Variants in DNAH9 observed in about 807,000 individuals in gnomAD.
DNAH9 encodes the protein dynein axonemal heavy chain 9, also known as DNAH9 variant protein.
Under a neutral mutation model 471.6 loss-of-function variants are expected in DNAH9, and 345 were observed. That is an observed-to-expected ratio of 0.73 (90% CI 0.67 to 0.80). The LOEUF (loss-of-function observed/expected upper bound fraction) is 0.80. DNAH9 is among the 30% of genes least tolerant of loss of function. DNAH9 has a pLI of 0.00. For synonymous variants in DNAH9, 2,093 were observed against 2,123.6 expected (o/e 0.99, Z 0.40); for missense variants, 5,407 against 5,609.2 (o/e 0.96, Z 1.15).
intron 1 of DNAH9, among the ~76,000 whole-genome samples, chr17:11,600,491 T>C (rs1360807863): frequency 1.3e-5 from 2 of 152,118 alleles, no homozygotes; most frequent in Non-Finnish European, 2.9e-5. Flanking sequence ...AAAAATAATT[T>C]TAAAATAATG....
intron 45 of DNAH9, 30 bp downstream of exon 45, chr17:11,810,399 G>A: frequency 6.2e-7 from 1 of 1,601,564 alleles, no homozygotes; most frequent in Non-Finnish European, 8.5e-7. Flanking sequence ...TGGTGTCACT[G>A]ATAAATTCCC....
chr17:11,644,735 T>G (rs1393067552), intron 11 of DNAH9, 36 bp downstream of exon 11: 4 of 1,454,162 alleles, frequency 2.8e-6, no homozygotes, highest in African/African-American at 1.4e-5. Context: ...GTCTGCAGAT[T>G]GCACAGCCTC....
At chr17:11,915,482 C>A (rs1166731307) in intron 61 of DNAH9, among the ~76,000 whole-genome samples, 1 of 152,114 alleles carries the variant, frequency 6.6e-6, no homozygotes, top group African/African-American at 2.4e-5. Flanking sequence ...CAAGATCGCA[C>A]CACTGCACTT....
In DNAH9 at chr17:11,826,973, C is replaced by T. The variant is rs139400471; in HGVS notation, c.9246+3939C>T. On this transcript the variant is annotated intron_variant, in intron 48 of 68. Transcript: ENST00000262442. Reference sequence around the variant, plus strand: ...CTGAGTAGCTGGGACTACAGGCACCCGCCACCATGCCCAGCTAATTTTTGT... The same window carrying T: ...CTGAGTAGCTGGGACTACAGGCACCTGCCACCATGCCCAGCTAATTTTTGT... Among the ~76,000 whole-genome samples the T allele has an allele frequency of 7.7e-3, 1,156 of 150,684 alleles. 15 individuals carry two copies. The highest frequency in any genetic ancestry group is 0.068 in the East Asian group (345 of 5,042).
At chr17:11,808,324 C>G (rs1969765866) in intron 44 of DNAH9, among the ~76,000 whole-genome samples, 1 of 152,166 alleles carries the variant, frequency 6.6e-6, no homozygotes, top group South Asian at 2.1e-4. Context: ...TTCAGACAGC[C>G]AGCACTTGGA....
Position 11,718,692 on chromosome 17 carries a change from G to A in DNAH9, c.5553-642G>A, listed in dbSNP as rs1294615867. On this transcript the variant is annotated intron_variant, in intron 26 of 68. Coordinates refer to ENST00000262442, the MANE Select transcript of DNAH9 (RefSeq NM_001372.4). ...GAGGGCCTGTATGTGCCTAGAGTGTGCTAAGTTCTGGAGATTAAACAATGA... is the reference window on the plus strand; with the variant it reads ...GAGGGCCTGTATGTGCCTAGAGTGTACTAAGTTCTGGAGATTAAACAATGA... Among the ~76,000 whole-genome samples, 3 of 152,164 alleles carry A rather than the reference G, an allele frequency of 2.0e-5. No homozygotes were observed. The East Asian group carries it at 5.8e-4, about 29-fold the overall frequency.
Position 11,652,935 on chromosome 17 carries a change from A to G in DNAH9, c.2528A>G (p.His843Arg). 2 of 1,614,058 alleles carry G rather than the reference A, an allele frequency of 1.2e-6. No individual in the cohort carries two copies. Among genetic ancestry groups the G allele is most frequent in the Non-Finnish European group, 1.7e-6 (2 of 1,179,882 alleles). Residue 843 changes from histidine (H) to arginine (R), a missense_variant, in exon 14 of 69, where the codon CAT (histidine) becomes CGT (arginine). His to Arg is a conservative substitution (Grantham distance 29, BLOSUM62 0). Coordinates refer to ENST00000262442, the MANE Select transcript of DNAH9 (RefSeq NM_001372.4). ...RESLLSLDDR[H>R]DRMEKYYNLI... ...TCCCTTCTTTCTCTGGATGATCGGC[A>G]TGATCGAATGGAAAAATATTACAAT...
chr17:11,673,587 ATG>A (rs1407668959), intron 17 of DNAH9, among the ~76,000 whole-genome samples: 1 of 142,584 alleles, frequency 7.0e-6, no homozygotes, highest in Non-Finnish European at 1.5e-5. Flanking sequence ...TTCTCAAAAG[ATG>A]TGTTTATATT....
At chr17:11,767,831 A>T (rs1968026301) in intron 36 of DNAH9, among the ~76,000 whole-genome samples, 1 of 152,156 alleles carries the variant, frequency 6.6e-6, no homozygotes, top group African/African-American at 2.4e-5. Flanking sequence ...TTCTGTCAGA[A>T]AAACCAGTAC....
chr17:11,671,133 A>G (rs1405843855), intron 17 of DNAH9, among the ~76,000 whole-genome samples: 1 of 152,208 alleles, frequency 6.6e-6, no homozygotes, highest in African/African-American at 2.4e-5. Flanking sequence ...CCCAGGATGG[A>G]GCACTGTTGG....
intron 14 of DNAH9, among the ~76,000 whole-genome samples, chr17:11,663,462 C>T (rs150999065): frequency 1.4e-3 from 206 of 152,298 alleles, no homozygotes; most frequent in African/African-American, 4.6e-3. Flanking sequence ...TTGAGTATGT[C>T]CCTTGTTTCA....
intron 48 of DNAH9, among the ~76,000 whole-genome samples, chr17:11,828,052 C>T (rs1013834992): frequency 2.6e-5 from 4 of 152,178 alleles, no homozygotes; most frequent in East Asian, 1.9e-4. Flanking sequence ...CCTTTCAAAG[C>T]GCTACTGCTG....
In DNAH9 at chr17:11,823,052, C is replaced by T; in HGVS notation, c.9246+18C>T. ...CTGCCCAGGTGAGCAATGTCCCGCT[C>T]CTTCCACCTGCAGGGGACTTGGAGG... On this transcript the variant is annotated intron_variant, in intron 48 of 68. Transcript: ENST00000262442. 6.3e-7 allele frequency: 1 copy of T among 1,594,080 alleles called. No individual in the cohort carries two copies. The highest frequency in any genetic ancestry group is 8.6e-7 in the Non-Finnish European group (1 of 1,168,256).
At chr17:11,812,006 A>G in intron 45 of DNAH9, among the ~76,000 whole-genome samples, 1 of 48,752 alleles carries the variant, frequency 2.1e-5, no homozygotes, top group African/African-American at 1.1e-4. Context: ...AAAAAAAAAA[A>G]AAAAAAAAAA....
At chr17:11,770,804 C>G (rs1968176957) in intron 38 of DNAH9, among the ~76,000 whole-genome samples, 1 of 152,172 alleles carries the variant, frequency 6.6e-6, no homozygotes, top group East Asian at 1.9e-4. Flanking sequence ...TAAGTATAAT[C>G]TGTATTATTA....
chr17:11,938,791 G>A (rs1974799466), intron 66 of DNAH9, among the ~76,000 whole-genome samples: 3 of 152,046 alleles, frequency 2.0e-5, no homozygotes, highest in South Asian at 4.1e-4. Context: ...TAGAGACAGG[G>A]TCGCACTATG....
chr17:11,617,501 A>G lies in DNAH9; in HGVS notation c.995A>G (p.Lys332Arg). Reference protein sequence around the residue: ...ALENAEFPEVKPQLRPLLHVV... With the variant: ...ALENAEFPEVRPQLRPLLHVV... ...GAGAATGCAGAATTTCCGGAGGTGA[A>G]GCCCCAGCTGCGGCCCCTGCTCCAC... The change falls in exon 5 of 69, where the codon AAG becomes AGG. Residue 332 changes from lysine to arginine, a missense_variant. Coordinates refer to ENST00000262442, the MANE Select transcript of DNAH9 (RefSeq NM_001372.4). The G allele has an allele frequency of 6.2e-7, 1 of 1,614,144 alleles. No homozygotes were observed.
At chr17:11,806,231 AC>A (rs897042635) in intron 43 of DNAH9, among the ~76,000 whole-genome samples, 37 of 152,144 alleles carry the variant, frequency 2.4e-4, no homozygotes, top group Admixed American at 6.6e-4. Context: ...GATCAATTCT[AC>A]CCAGGAAAAG....
At chr17:11,956,278 T>C (rs34854074) in intron 67 of DNAH9, among the ~76,000 whole-genome samples, 43,728 of 151,954 alleles carry the variant, frequency 0.29, 7,674 homozygotes, top group Non-Finnish European at 0.4. Context: ...TAAGTCAATT[T>C]TTCAAGAGGA....
Sources: gnomAD v4.1 joint callset for allele counts (sites outside exome capture counted in the v4.1 genomes callset) on GRCh38, gnomAD v4.1.1 for gene constraint, MANE v1.5 for transcripts, NCBI Gene and HGNC (gene_info 2026-07-23, HGNC 2026-07-21) for gene names.